The following SVIL variants were observed in gnomAD, a reference collection of about 807,000 sequenced individuals.
SVIL encodes the protein supervillin.
A neutral mutation model predicts 240.4 loss-of-function variants in SVIL; 101 were observed. That is an observed-to-expected ratio of 0.42 (90% CI 0.36 to 0.50). The LOEUF is 0.50. Among genes scored for constraint, SVIL ranks in the 20% least tolerant of loss-of-function variants. The pLI, the probability that SVIL is intolerant of heterozygous loss-of-function variation, is 0.01. For missense variants in SVIL, 2,512 were observed against 2,818.7 expected (o/e 0.89, Z 2.46); for synonymous variants, 999 against 1,100.0 (o/e 0.91, Z 1.82).
At position 29,481,443 on chromosome 10, in the gene SVIL, T is replaced by C. The variant is rs1361033045; in HGVS notation, c.5100+141A>G. 9.7e-6 allele frequency: 11 copies of C among 1,132,240 alleles called. No homozygotes were observed. In the African/African-American group the frequency reaches 1.1e-4, roughly 11 times the overall value. 70.1% of individuals were successfully genotyped at this position (1,132,240 alleles called of 1,614,324 possible). On this transcript the variant is annotated intron_variant, in intron 28 of 37. Coordinates refer to ENST00000355867, the MANE Select transcript of SVIL (RefSeq NM_021738.3). Reference sequence around the variant, plus strand: ...TTTCAAAATAGCTAGAGGAGAAGATTTGAATGTTCTCACCACAAAGAAATG... The same window carrying C: ...TTTCAAAATAGCTAGAGGAGAAGATCTGAATGTTCTCACCACAAAGAAATG...
intron 1 of SVIL, among the ~76,000 whole-genome samples, chr10:29,577,201 A>T (rs1285174696): frequency 2.6e-5 from 4 of 152,120 alleles, no homozygotes; most frequent in Admixed American, 1.3e-4. Flanking sequence ...TTAAATTTTA[A>T]TAGTTTTTTG....
intron 1 of SVIL, among the ~76,000 whole-genome samples, chr10:29,611,978 G>A (rs1412386118): frequency 1.3e-5 from 2 of 152,110 alleles, no homozygotes; most frequent in Non-Finnish European, 2.9e-5. Flanking sequence ...GGTGGGGTTT[G>A]GAATGCCATG....
At chr10:29,648,239 A>C (rs1178182964) in intron 3 of SVIL, among the ~76,000 whole-genome samples, 1 of 152,270 alleles carries the variant, frequency 6.6e-6, no homozygotes, top group Non-Finnish European at 1.5e-5. Context: ...AATTCTCCCG[A>C]AGGGTGGCTT....
intron 30 of SVIL, among the ~76,000 whole-genome samples, chr10:29,471,693 G>A (rs1056697533): frequency 2.0e-5 from 3 of 152,196 alleles, no homozygotes; most frequent in African/African-American, 7.2e-5. Context: ...GGCCACCCCA[G>A]CAGTCCACTC....
At chr10:29,533,717 G>T (rs1360391366) in intron 7 of SVIL, among the ~76,000 whole-genome samples, 1 of 152,096 alleles carries the variant, frequency 6.6e-6, no homozygotes, top group East Asian at 1.9e-4. Context: ...CTATCCTGGG[G>T]GAGAATGGGT....
intron 1 of SVIL, among the ~76,000 whole-genome samples, chr10:29,594,651 G>T (rs1471175264): frequency 2.6e-5 from 4 of 151,760 alleles, no homozygotes; most frequent in Non-Finnish European, 5.9e-5. Context: ...TTGCCTCCTG[G>T]GCTCAGGTGA....
chr10:29,700,444 C>T (rs576184849), intron 1 of SVIL, among the ~76,000 whole-genome samples: 2 of 149,534 alleles, frequency 1.3e-5, no homozygotes, highest in East Asian at 2.0e-4. Flanking sequence ...GCTTATAACA[C>T]AGAGAAGAAA....
intron 3 of SVIL, among the ~76,000 whole-genome samples, chr10:29,641,311 C>T (rs1481645749): frequency 1.3e-5 from 2 of 152,026 alleles, no homozygotes; most frequent in Non-Finnish European, 2.9e-5. Flanking sequence ...TAGGTCTCGC[C>T]TGTAATCCCA....
intron 2 of SVIL, among the ~76,000 whole-genome samples, chr10:29,672,347 C>A (rs955858938): frequency 4.6e-5 from 7 of 151,976 alleles, no homozygotes; most frequent in African/African-American, 1.7e-4. Flanking sequence ...GTGTTAAAAC[C>A]AATGATTTCT....
At chr10:29,531,729 A>G (rs552475117) in intron 9 of SVIL, among the ~76,000 whole-genome samples, 13 of 152,378 alleles carry the variant, frequency 8.5e-5, no homozygotes, top group African/African-American at 2.4e-4. Context: ...GGTAAAAAAC[A>G]TTAAAACCAT....
At chr10:29,643,127 C>G (rs1262973755) in intron 3 of SVIL, among the ~76,000 whole-genome samples, 1 of 152,230 alleles carries the variant, frequency 6.6e-6, no homozygotes, top group Non-Finnish European at 1.5e-5. Flanking sequence ...ACATGCATCA[C>G]CAGCTCAAAT....
rs1017330530 is a variant in SVIL at position 29,500,139 on chromosome 10, C to G, written c.3517-876G>C. Among the ~76,000 whole-genome samples, 9 of 152,046 alleles carry G rather than the reference C, an allele frequency of 5.9e-5. 1 individual carries two copies. The South Asian group carries it at 6.2e-4, about 11-fold the overall frequency. ...GGAGATGGGGCTGAGGAGGGAGGGA[C>G]AGGAGCAGCGATGGAAGCAGAGGAC... On this transcript the variant is annotated intron_variant, in intron 17 of 37. Coordinates refer to ENST00000355867, the MANE Select transcript of SVIL (RefSeq NM_021738.3).
intron 36 of SVIL, 190 bp from the exon 37 acceptor site, chr10:29,458,779 T>TA (rs1211820149): frequency 2.2e-6 from 1 of 459,576 alleles, no homozygotes; most frequent in African/African-American, 2.0e-5. Flanking sequence ...TCTGGACTTT[T>TA]AATTTTTAAA....
In SVIL at chr10:29,463,282, T is replaced by G. The variant is rs2281945; in HGVS notation, c.6277+210A>C. Among the ~76,000 whole-genome samples, 42,649 of 152,166 alleles carry G rather than the reference T, an allele frequency of 0.28. 6,433 individuals carry two copies. The highest frequency in any genetic ancestry group is 0.54 in the East Asian group (2,787 of 5,172). ...TATCAGAGAGAAAAACTAGTTCTTC[T>G]TCATGCTGGCAGCTGAGAATGCGCT... On this transcript the variant is annotated intron_variant, in intron 35 of 37. Transcript: ENST00000355867.
intron 1 of SVIL, among the ~76,000 whole-genome samples, chr10:29,695,139 A>C (rs1961826523): frequency 6.6e-6 from 1 of 152,182 alleles, no homozygotes; most frequent in Non-Finnish European, 1.5e-5. Context: ...AAGATGTGGC[A>C]CCACCAACAC....
intron 1 of SVIL, among the ~76,000 whole-genome samples, chr10:29,689,276 C>T (rs906455307): frequency 6.6e-6 from 1 of 152,036 alleles, no homozygotes; most frequent in African/African-American, 2.4e-5. Context: ...ACTCATGAGT[C>T]TCTTTTCTTT....
intron 1 of SVIL, among the ~76,000 whole-genome samples, chr10:29,572,556 G>A (rs1403644071): frequency 1.3e-5 from 2 of 152,122 alleles, no homozygotes; most frequent in African/African-American, 2.4e-5. Flanking sequence ...CTTGAGGCCA[G>A]GAGTTCAAGA....
intron 1 of SVIL, among the ~76,000 whole-genome samples, chr10:29,608,043 A>G (rs1957090273): frequency 6.6e-6 from 1 of 152,236 alleles, no homozygotes; most frequent in Non-Finnish European, 1.5e-5. Context: ...AGCAAAGCTT[A>G]TCAAACGCTG....
intron 1 of SVIL, among the ~76,000 whole-genome samples, chr10:29,624,496 C>T (rs1228977796): frequency 6.6e-6 from 1 of 152,202 alleles, no homozygotes; most frequent in Non-Finnish European, 1.5e-5. Context: ...TGAGATCGAT[C>T]ATGTCAGCCT....
Sources: allele counts gnomAD v4.1 joint callset (sites outside exome capture counted in the v4.1 genomes callset), GRCh38; gene constraint gnomAD v4.1.1; transcripts MANE v1.5; gene names NCBI Gene and HGNC (gene_info 2026-07-23, HGNC 2026-07-21).